NOM1: variants seen among roughly 807,000 people sequenced by gnomAD.
NOM1 encodes the protein nucleolar MIF4G domain-containing protein 1.
In NOM1, 58 loss-of-function variants were observed where a neutral mutation model predicts 73.3. The ratio of observed to expected loss-of-function variants is 0.79; its 90% confidence interval spans 0.64 to 0.99. The LOEUF is 0.99. Among genes scored for constraint, NOM1 ranks in the 50% least tolerant of loss-of-function variants. The pLI, the probability that NOM1 is intolerant of heterozygous loss-of-function variation, is 0.00. For missense variants in NOM1, 1,226 were observed against 1,131.9 expected, an observed-to-expected ratio of 1.08 and a Z score of -1.19; for synonymous variants, 487 against 446.8, an observed-to-expected ratio of 1.09 and a Z score of -1.14.
At chr7:156,959,491 C>T (rs1302182975) in intron 3 of NOM1, among the ~76,000 whole-genome samples, 1 of 152,200 alleles carries the variant, frequency 6.6e-6, no homozygotes, top group East Asian at 1.9e-4. Flanking sequence ...ATCCACCCAC[C>T]TCCGCCTCCT....
chr7:156,960,379 T>G (rs1345919089), intron 4 of NOM1: 1 of 554,420 alleles, frequency 1.8e-6, no homozygotes, highest in African/African-American at 1.9e-5. Flanking sequence ...AAAAACTGAT[T>G]TATTTAACAT....
Position 156,966,553 on chromosome 7 carries a change from A to G in NOM1, c.2166+151A>G, listed in dbSNP as rs1386865151. On this transcript the variant is annotated intron_variant, in intron 8 of 10. Coordinates refer to ENST00000275820, the MANE Select transcript of NOM1 (RefSeq NM_138400.2). ...CCACGCTGGCTGCCAGGCCACCTTC[A>G]CTGGGAGCGGAAGTGGGAGGGCTAG... The G allele has an allele frequency of 6.7e-6, 6 of 891,832 alleles. No homozygotes were observed. In the African/African-American group the frequency reaches 8.4e-5, roughly 12 times the overall value. 55.2% of individuals were successfully genotyped at this position (891,832 alleles called of 1,614,324 possible).
chr7:156,967,086 C>CTT lies in NOM1; in HGVS notation c.2293_2294dup (p.Leu765PhefsTer2). ...AGACAAAATCGCTTTCCCTTTCCAT[C>CTT]TTAAAGGTTCGTGTAACGTGTGAAA... On this transcript the variant is annotated frameshift_variant, in exon 9 of 11. Transcript: ENST00000275820. LOFTEE classifies it high-confidence loss of function. 2 of 1,613,046 alleles carry CTT rather than the reference C, an allele frequency of 1.2e-6. No individual in the cohort carries two copies. Among genetic ancestry groups the CTT allele is most frequent in the Non-Finnish European group, 1.7e-6 (2 of 1,179,746 alleles).
At chr7:156,953,292 C>G (rs1231672651) in intron 2 of NOM1, among the ~76,000 whole-genome samples, 1 of 151,982 alleles carries the variant, frequency 6.6e-6, no homozygotes, top group Non-Finnish European at 1.5e-5. Flanking sequence ...ACCACGCCAA[C>G]TAGTTTTGTA....
At chr7:156,959,145 C>T (rs182926268) in intron 3 of NOM1, among the ~76,000 whole-genome samples, 15 of 151,356 alleles carry the variant, frequency 9.9e-5, no homozygotes, top group Non-Finnish European at 1.9e-4. Context: ...CTCTGTCGCC[C>T]AGGCTGGAGT....
At chr7:156,966,174 G>C in intron 7 of NOM1, 96 bp from the exon 8 acceptor site, 1 of 1,516,356 alleles carries the variant, frequency 6.6e-7, no homozygotes, top group Non-Finnish European at 9.0e-7. Flanking sequence ...CCTCTAACCA[G>C]ACCCTTCCAG....
intron 6 of NOM1, 148 bp downstream of exon 6, chr7:156,963,323 A>G (rs758403704): frequency 1.8e-5 from 13 of 736,372 alleles, no homozygotes; most frequent in South Asian, 1.7e-4. Context: ...AGAAATTGCT[A>G]TTAATATTAC....
At chr7:156,954,522 CTTTTT>C (rs34176770) in intron 3 of NOM1, among the ~76,000 whole-genome samples, 2 of 101,658 alleles carry the variant, frequency 2.0e-5, no homozygotes, top group Admixed American at 1.1e-4. Context: ...TCTGTCCATT[CTTTTT>C]TTTTTTTTTT....
Position 156,967,074 on chromosome 7 carries a change from T to G in NOM1, c.2280T>G (p.Leu760=). The G allele has an allele frequency of 6.2e-7, 1 of 1,613,042 alleles. No individual in the cohort carries two copies. The highest frequency in any genetic ancestry group is 8.5e-7 in the Non-Finnish European group (1 of 1,179,798). Residue 760 remains leucine (L), a synonymous_variant, in exon 9 of 11, where the codon CTT becomes CTG. Transcript: ENST00000275820. ...CCCACTTGTTGAAGACAAAATCGCT[T>G]TCCCTTTCCATCTTAAAGGTTCGTG... is the stretch of plus-strand genomic sequence containing the variant. The part of the protein sequence containing the change: ...LVAHLLKTKS[L]SLSILKVVEF...
At position 156,969,779 on chromosome 7, in the gene NOM1, C is replaced by T. The variant is rs1586578434; in HGVS notation, c.*76C>T. 7.2e-7 allele frequency: 1 copy of T among 1,396,012 alleles called. No individual in the cohort carries two copies. Among genetic ancestry groups the T allele is most frequent in the African/African-American group, 1.4e-5 (1 of 69,330 alleles). 86.5% of individuals were successfully genotyped at this position (1,396,012 alleles called of 1,614,324 possible). A position where few individuals can be genotyped will look rare whatever the true frequency, so the allele number is the denominator to read the frequency against. ...TAAACCCAAAGGCTTATTCTGTTGC[C>T]TGCGTGTGAATGTTTGGTAGAGCTA... On this transcript the variant is annotated 3_prime_UTR_variant, in exon 11 of 11. Transcript: ENST00000275820.
rs770876173 is a variant in NOM1 at position 156,949,718 on chromosome 7, G to A, written c.-20G>A. 3.7e-5 allele frequency: 49 copies of A among 1,311,492 alleles called. No homozygotes were observed. The highest frequency in any genetic ancestry group is 2.8e-4 in the Middle Eastern group (1 of 3,514). The allele number at this position is 1,311,492 out of a possible 1,614,324, so 81.2% of individuals were successfully genotyped here. A position where few individuals can be genotyped will look rare whatever the true frequency, so the allele number is the denominator to read the frequency against. ...AAGTCCCGCCTCGGCCGGAAGTCGT[G>A]CGTCCACGCGTTTCGAAAGATGGCG... On this transcript the variant is annotated 5_prime_UTR_variant, in exon 1 of 11. Transcript: ENST00000275820.
intron 9 of NOM1, among the ~76,000 whole-genome samples, chr7:156,968,376 C>T (rs984475572): frequency 1.3e-5 from 2 of 152,098 alleles, no homozygotes. Context: ...CTCTGTGTTT[C>T]GACCATGCTT....
chr7:156,954,301 A>G lies in NOM1; in HGVS notation c.1308+3A>G. Reference sequence around the variant, plus strand: ...TTCACCACACAGTTGGAATCGAGGTACAGTTGTACCTTTTCTCCAGGCTGT... The same window carrying G: ...TTCACCACACAGTTGGAATCGAGGTGCAGTTGTACCTTTTCTCCAGGCTGT... On this transcript the variant is annotated splice_donor_region_variant and intron_variant, in intron 3 of 10. Coordinates refer to ENST00000275820, the MANE Select transcript of NOM1 (RefSeq NM_138400.2). The G allele has an allele frequency of 6.3e-7, 1 of 1,580,248 alleles. No individual in the cohort carries two copies. The highest frequency in any genetic ancestry group is 2.3e-5 in the East Asian group (1 of 44,314).
chr7:156,967,044 G>C lies in NOM1; in HGVS notation c.2250G>C (p.Leu750=), dbSNP rs775779618. 2.5e-6 allele frequency: 4 copies of C among 1,613,360 alleles called. No homozygotes were observed. In the Admixed American group the frequency reaches 5.0e-5, roughly 20 times the overall value. Residue 750 remains leucine (L), a synonymous_variant, in exon 9 of 11, where the codon CTG becomes CTC. Coordinates refer to ENST00000275820, the MANE Select transcript of NOM1 (RefSeq NM_138400.2). ...PATNFSNLVH[L]VAHLLKTKSL... ...CGAATTTCTCTAATTTGGTTCATCT[G>C]GTGGCCCACTTGTTGAAGACAAAAT...
intron 2 of NOM1, 113 bp downstream of exon 2, chr7:156,952,711 C>G (rs1338633843): frequency 1.7e-6 from 2 of 1,190,688 alleles, no homozygotes; most frequent in African/African-American, 3.1e-5. Context: ...CGATTGGATC[C>G]TTTCTGTTCT....
intron 4 of NOM1, 78 bp downstream of exon 4, chr7:156,960,252 G>T: frequency 8.5e-7 from 1 of 1,175,276 alleles, no homozygotes; most frequent in African/African-American, 1.6e-5. Flanking sequence ...TCAGTATCTG[G>T]GGTAAATATT....
chr7:156,969,203 GCCCCA>G lies in NOM1; in HGVS notation c.2408+11_2408+15del, dbSNP rs780237711. On this transcript the variant is annotated splice_region_variant and intron_variant, in intron 10 of 10. Coordinates refer to ENST00000275820, the MANE Select transcript of NOM1 (RefSeq NM_138400.2). Reference sequence around the variant, plus strand: ...TCAGTTTAATTTTCACAAGGTATGTGCCCCACCCTTTCCGACGAGACATGGAAGAG... The same window carrying G: ...TCAGTTTAATTTTCACAAGGTATGTGCCCTTTCCGACGAGACATGGAAGAG... 4.5e-6 allele frequency: 6 copies of G among 1,344,856 alleles called. No individual in the cohort carries two copies. In the Admixed American group the frequency reaches 8.6e-5, roughly 19 times the overall value. 83.3% of individuals were successfully genotyped at this position (1,344,856 alleles called of 1,614,324 possible). A position where few individuals can be genotyped will look rare whatever the true frequency, so the allele number is the denominator to read the frequency against.
intron 8 of NOM1, 25 bp downstream of exon 8, chr7:156,966,427 T>A: frequency 1.2e-6 from 2 of 1,613,330 alleles, no homozygotes; most frequent in South Asian, 1.1e-5. Context: ...AGGCACCAGT[T>A]ACGTCCGCTC....
chr7:156,954,235 CAGCAGACTGATGATGG>C lies in NOM1; in HGVS notation c.1250_1265del (p.Arg417MetfsTer4), dbSNP rs1804663960. On this transcript the variant is annotated frameshift_variant, in exon 3 of 11. Transcript: ENST00000275820. LOFTEE classifies it high-confidence loss of function. ...CCTGCGTCACTGCCTCGGCCATGCC[CAGCAGACTGATGATGG>C]AGCATGTTCTCTTAGTCAGCATCCT... 6.2e-7 allele frequency: 1 copy of C among 1,612,888 alleles called. No individual in the cohort carries two copies. The highest frequency in any genetic ancestry group is 1.3e-5 in the African/African-American group (1 of 74,938).
Sources: allele counts gnomAD v4.1 joint callset (sites outside exome capture counted in the v4.1 genomes callset), GRCh38; gene constraint gnomAD v4.1.1; transcripts MANE v1.5; gene names NCBI Gene and HGNC (gene_info 2026-07-23, HGNC 2026-07-21).